Variants in SPTB observed in about 807,000 individuals in gnomAD.
SPTB encodes the protein spectrin beta, erythrocytic, also known as spectrin beta chain, erythrocytic.
In SPTB, 45 loss-of-function variants were observed where a neutral mutation model predicts 256.2. That is an observed-to-expected ratio of 0.18 (90% CI 0.14 to 0.23). The LOEUF is 0.23. Among genes scored for constraint, SPTB ranks in the 10% least tolerant of loss-of-function variants. The probability of loss-of-function intolerance (pLI) is 1.00; values close to 1 mark genes in which losing one functional copy is unlikely to be tolerated. For missense variants in SPTB, 2,715 were observed against 3,040.4 expected, an observed-to-expected ratio of 0.89 and a Z score of 2.52; for synonymous variants, 1,231 against 1,243.1, an observed-to-expected ratio of 0.99 and a Z score of 0.21.
intron 2 of SPTB, among the ~76,000 whole-genome samples, chr14:64,818,146 A>G (rs962466500): frequency 3.3e-5 from 5 of 152,172 alleles, no homozygotes; most frequent in Admixed American, 3.3e-4. Flanking sequence ...TGGGCAACAC[A>G]ATTCTGTGCA....
chr14:64,848,678 A>C (rs1164263968), intron 1 of SPTB, among the ~76,000 whole-genome samples: 7 of 152,256 alleles, frequency 4.6e-5, no homozygotes, highest in African/African-American at 1.7e-4. Context: ...AGAGAGTCCA[A>C]TAGCTTTTAC....
chr14:64,859,716 CTCTCTATATATA>C (rs772029717), intron 1 of SPTB, among the ~76,000 whole-genome samples: 58 of 124,862 alleles, frequency 4.6e-4, no homozygotes, highest in African/African-American at 2.4e-3. Flanking sequence ...CTCTCTCTCT[CTCTCTATATATA>C]TATATATATG....
chr14:64,833,777 T>C (rs1014451988), intron 1 of SPTB, among the ~76,000 whole-genome samples: 7 of 152,148 alleles, frequency 4.6e-5, no homozygotes, highest in Admixed American at 3.9e-4. Context: ...CCCAGCATAA[T>C]GCCAGGTACA....
At chr14:64,850,231 A>G (rs559028053) in intron 1 of SPTB, among the ~76,000 whole-genome samples, 33 of 152,320 alleles carry the variant, frequency 2.2e-4, no homozygotes, top group African/African-American at 7.5e-4. Context: ...TACTCAGTGC[A>G]TCACCATTGG....
At chr14:64,803,091 C>T (rs2082917691) in intron 4 of SPTB, among the ~76,000 whole-genome samples, 1 of 152,162 alleles carries the variant, frequency 6.6e-6, no homozygotes, top group African/African-American at 2.4e-5. Context: ...CTCCTGCCCT[C>T]ACCTCCTTGG....
intron 2 of SPTB, among the ~76,000 whole-genome samples, chr14:64,813,653 G>C (rs2083133576): frequency 6.6e-6 from 1 of 152,194 alleles, no homozygotes; most frequent in Non-Finnish European, 1.5e-5. Context: ...TCCCCAGGTA[G>C]CTGGGACTAC....
chr14:64,769,048 T>C lies in SPTB; in HGVS notation c.6008A>G (p.Glu2003Gly), dbSNP rs1168342444. 1 of 1,613,386 alleles carries C rather than the reference T, an allele frequency of 6.2e-7. No homozygotes were observed. Among genetic ancestry groups the C allele is most frequent in the East Asian group, 2.2e-5 (1 of 44,868 alleles). Reference sequence around the variant, plus strand: ...GCTGTACTCACACATGCGGAGCCGCTCCCAGCGGGCTTCCCACTTCTCATT... The same window carrying C: ...GCTGTACTCACACATGCGGAGCCGCCCCCAGCGGGCTTCCCACTTCTCATT... ...EMNEKWEARWERLRMLLEVCQ... is the reference protein window; with the variant it reads ...EMNEKWEARWGRLRMLLEVCQ... Residue 2003 changes from glutamate to glycine, a missense_variant, in exon 29 of 36, where the codon GAG becomes GGG. Around this residue, in one of 4 missense-constraint regions of SPTB, gnomAD observed 2,239 missense variants for 2,384.4 expected, o/e 0.94. Transcript: ENST00000644917.
intron 1 of SPTB, among the ~76,000 whole-genome samples, chr14:64,861,878 A>C (rs894319345): frequency 6.6e-6 from 1 of 152,128 alleles, no homozygotes; most frequent in Non-Finnish European, 1.5e-5. Context: ...CTTTTCTCAA[A>C]GCTGAATTTC....
chr14:64,837,854 C>T (rs1429946136), intron 1 of SPTB, among the ~76,000 whole-genome samples: 1 of 152,174 alleles, frequency 6.6e-6, no homozygotes, highest in Non-Finnish European at 1.5e-5. Context: ...TCTGGTGATC[C>T]ACCCACCTTG....
In SPTB at chr14:64,777,074, T is replaced by C. The variant is rs2082371494; in HGVS notation, c.4564-1671A>G. 6.6e-6 allele frequency among the ~76,000 whole-genome samples: 1 copy of C among 152,126 alleles called. No homozygotes were observed. The highest frequency in any genetic ancestry group is 6.5e-5 in the Admixed American group (1 of 15,274). On this transcript the variant is annotated intron_variant, in intron 22 of 35. Transcript: ENST00000644917. This position sits in a 1 kb window ranked among gnomAD's most constrained non-coding sequence, Gnocchi z 4.5. ...TGCTGCGATGTGGCAGGAGCCACTT[T>C]AGCTAAGGGAGTCAGGGAGGGCCTC...
intron 1 of SPTB, among the ~76,000 whole-genome samples, chr14:64,860,109 T>C (rs1035931347): frequency 5.9e-5 from 9 of 152,122 alleles, no homozygotes; most frequent in African/African-American, 1.9e-4. Flanking sequence ...CAAAAATAGT[T>C]TGGGATGGCA....
At chr14:64,783,610 T>C (rs1259521287) in intron 19 of SPTB, among the ~76,000 whole-genome samples, 1 of 152,216 alleles carries the variant, frequency 6.6e-6, no homozygotes, top group Non-Finnish European at 1.5e-5. Context: ...GGTCCTATTA[T>C]TACTCTCATT....
In SPTB at chr14:64,784,406, A is replaced by G. The variant is rs966845858; in HGVS notation, c.3856-13T>C. The G allele has an allele frequency of 8.1e-6, 13 of 1,613,898 alleles. No homozygotes were observed. The highest frequency in any genetic ancestry group is 1.7e-5 in the Admixed American group (1 of 60,006). The stretch of plus-strand genomic sequence containing the variant: ...TCCAGAGAGTGAGCTGTGTGCATAA[A>G]GAGTGGGCTGACTATCCCTGAGTAT... On this transcript the variant is annotated splice_polypyrimidine_tract_variant and intron_variant, in intron 18 of 35. Coordinates refer to ENST00000644917, the MANE Select transcript of SPTB (RefSeq NM_001355436.2).
intron 1 of SPTB, among the ~76,000 whole-genome samples, chr14:64,839,087 G>T (rs949232771): frequency 1.3e-5 from 2 of 151,800 alleles, no homozygotes; most frequent in Admixed American, 1.3e-4. Context: ...AGCCGAGATC[G>T]CACCATTGCA....
rs540135160 is a variant in SPTB, at chr14:64,773,816, G to A, written c.4974-392C>T. ...TCCAGGGAGGGAAAAGACATACTAG[G>A]GGCCCAGACAATGTGGCTCCCAGGG... is the stretch of plus-strand genomic sequence containing the variant. On this transcript the variant is annotated intron_variant, in intron 24 of 35. Transcript: ENST00000644917. Among the ~76,000 whole-genome samples the A allele has an allele frequency of 8.5e-5, 13 of 152,286 alleles. No homozygotes were observed. The East Asian group carries it at 2.3e-3, about 27-fold the overall frequency.
At position 64,823,335 on chromosome 14, in the gene SPTB, G is replaced by GCAA. The variant is rs2083327168; in HGVS notation, c.-51-193_-51-191dup. On this transcript the variant is annotated intron_variant, in intron 1 of 35. Coordinates refer to ENST00000644917, the MANE Select transcript of SPTB (RefSeq NM_001355436.2). This position sits in a 1 kb window ranked among gnomAD's most constrained non-coding sequence, Gnocchi z 6.5. ...ATAAAATATTGCAGCAGCAGCAGCA[G>GCAA]CAACAGTACCGGCAGCAGTGGCAGG... Among the ~76,000 whole-genome samples, 6 of 152,206 alleles carry GCAA rather than the reference G, an allele frequency of 3.9e-5. No homozygotes were observed. The highest frequency in any genetic ancestry group is 3.9e-4 in the Admixed American group (6 of 15,280).
chr14:64,807,150 G>A lies in SPTB; in HGVS notation c.149-2060C>T, dbSNP rs536478814. 6.2e-4 allele frequency among the ~76,000 whole-genome samples: 94 copies of A among 152,312 alleles called. No individual in the cohort carries two copies. In the South Asian group the frequency reaches 0.018, roughly 29 times the overall value. ...AGAAACCAGATCTATTCTTTAAGTA[G>A]CTAACCCTTCAGGTCAGGTGTGGAG... On this transcript the variant is annotated intron_variant, in intron 2 of 35. Coordinates refer to ENST00000644917, the MANE Select transcript of SPTB (RefSeq NM_001355436.2). This position sits in a 1 kb window ranked among gnomAD's most constrained non-coding sequence, Gnocchi z 4.7.
intron 1 of SPTB, among the ~76,000 whole-genome samples, chr14:64,856,862 C>T (rs1157068515): frequency 6.6e-6 from 1 of 152,266 alleles, no homozygotes; most frequent in South Asian, 2.1e-4. Context: ...AGAGAAAACA[C>T]AAGTGACAGC....
rs1431851035 is a variant in SPTB, at chr14:64,778,426, C to G, written c.4563+731G>C. 6.6e-6 allele frequency among the ~76,000 whole-genome samples: 1 copy of G among 152,180 alleles called. No homozygotes were observed. The highest frequency in any genetic ancestry group is 1.5e-5 in the Non-Finnish European group (1 of 68,036). On this transcript the variant is annotated intron_variant, in intron 22 of 35. Coordinates refer to ENST00000644917, the MANE Select transcript of SPTB (RefSeq NM_001355436.2). The surrounding 1 kb of genome is among the most constrained non-coding windows in gnomAD (Gnocchi z 5.2). The stretch of plus-strand genomic sequence containing the variant: ...CCCAGAGAGCATGCAGAGGGAGGGT[C>G]TCTCTGTCCAAGAAGGGTCTGTGGC...
Sources: gnomAD v4.1 joint callset for allele counts (sites outside exome capture counted in the v4.1 genomes callset) on GRCh38, gnomAD v4.1.1 for gene constraint, gnomAD v4.1.1 regional missense constraint, Gnocchi (gnomAD v3.1) non-coding constraint, MANE v1.5 for transcripts, NCBI Gene and HGNC (gene_info 2026-07-23, HGNC 2026-07-21) for gene names.